Variants in HOGA1 observed in about 807,000 individuals in gnomAD.
HOGA1 encodes 4-hydroxy-2-oxoglutarate aldolase, mitochondrial.
Under a neutral mutation model 34.3 loss-of-function variants are expected in HOGA1, and 30 were observed. The observed-to-expected ratio is 0.87, with a 90% CI of 0.65 to 1.19. The LOEUF is 1.19. Ranked by LOEUF, HOGA1 falls within the 50% of genes most tolerant of loss-of-function variation. The pLI is 0.00. For missense variants in HOGA1, 417 were observed against 436.5 expected (o/e 0.96, Z 0.40); for synonymous variants, 161 against 174.0 (o/e 0.93, Z 0.59).
intron 5 of HOGA1, 59 bp downstream of exon 5, chr10:97,600,222 G>A (rs1406395637): frequency 7.1e-7 from 1 of 1,404,976 alleles, no homozygotes. Context: ...CAGGTACCTG[G>A]GTCTTCCGGG....
intron 1 of HOGA1, among the ~76,000 whole-genome samples, chr10:97,598,228 T>A (rs1453167646): frequency 6.6e-6 from 1 of 152,218 alleles, no homozygotes; most frequent in Non-Finnish European, 1.5e-5. Context: ...GCTCAAGCGA[T>A]CCACCCACCT....
rs1564759097 is a variant in HOGA1, at chr10:97,599,539, CGG to C, written c.469-138_469-137del. ...ATGACCCACTGTGATTGCTTACACT[CGG>C]GGCACGTAGCATGGGAGGGAGGCCT... On this transcript the variant is annotated intron_variant, in intron 3 of 6. Transcript: ENST00000370646. 7.8e-4 allele frequency: 829 copies of C among 1,065,230 alleles called. 14 individuals carry two copies. In the East Asian group the frequency reaches 0.016, roughly 20 times the overall value. The allele number at this position is 1,065,230 out of a possible 1,614,324, so 66.0% of individuals were successfully genotyped here.
chr10:97,600,460 T>C (rs2041107629), intron 5 of HOGA1: 2 of 484,144 alleles, frequency 4.1e-6, no homozygotes, highest in Non-Finnish European at 3.8e-6. Context: ...ACTTAGCTGC[T>C]CTAATCCCAC....
intron 1 of HOGA1, among the ~76,000 whole-genome samples, chr10:97,591,823 G>GTGTGTC (rs2041027037): frequency 7.3e-6 from 1 of 137,084 alleles, no homozygotes; most frequent in Non-Finnish European, 1.6e-5. Flanking sequence ...CATTTTGTGT[G>GTGTGTC]TGTGTGTGTG....
intron 6 of HOGA1, chr10:97,602,245 T>A: frequency 2.0e-6 from 3 of 1,475,806 alleles, no homozygotes; most frequent in South Asian, 1.3e-5. Context: ...TTCCAACTTT[T>A]GGGCCCAAGA....
chr10:97,600,697 T>G (rs952108295), intron 5 of HOGA1: 1 of 175,912 alleles, frequency 5.7e-6, no homozygotes, highest in African/African-American at 2.4e-5. Context: ...GGGTTTGGAT[T>G]AGATTTGAGC....
chr10:97,607,735 G>A (rs1437152266), intron 6 of HOGA1, among the ~76,000 whole-genome samples: 1 of 151,988 alleles, frequency 6.6e-6, no homozygotes, highest in Non-Finnish European at 1.5e-5. Flanking sequence ...TGTACTTATT[G>A]GGAAGAATTG....
rs375072439 is a variant in HOGA1 at position 97,598,733 on chromosome 10, G to A, written c.212-42G>A. ...AGGAACACCAATGTCCTAGTTGTTC[G>A]GTAGAGGATGGGAAGGAGTTAGTCA... On this transcript the variant is annotated intron_variant, in intron 1 of 6. Coordinates refer to ENST00000370646, the MANE Select transcript of HOGA1 (RefSeq NM_138413.4). 34 of 1,613,428 alleles carry A rather than the reference G, an allele frequency of 2.1e-5. No homozygotes were observed. In the African/African-American group the frequency reaches 3.1e-4, roughly 15 times the overall value.
intron 2 of HOGA1, 71 bp downstream of exon 2, chr10:97,598,974 G>T (rs2041093953): frequency 1.2e-6 from 2 of 1,609,232 alleles, no homozygotes; most frequent in Non-Finnish European, 1.7e-6. Flanking sequence ...CCCTAGCTTG[G>T]GTCCTGTCTC....
At chr10:97,589,639 G>A (rs1200422188) in intron 1 of HOGA1, 8 of 280,076 alleles carry the variant, frequency 2.9e-5, no homozygotes, top group Admixed American at 9.3e-5. Context: ...CACCCCACCC[G>A]CAACTGCCTT....
chr10:97,589,292 A>G lies in HOGA1; in HGVS notation c.211+4378A>G, dbSNP rs370914076. On this transcript the variant is annotated intron_variant, in intron 1 of 6. Coordinates refer to ENST00000370646, the MANE Select transcript of HOGA1 (RefSeq NM_138413.4). ...GGAATATGCCAGGCTGGCAGCAGACATGGGCACTGGATGGAGGTGCACTGG... is the reference window on the plus strand; with the variant it reads ...GGAATATGCCAGGCTGGCAGCAGACGTGGGCACTGGATGGAGGTGCACTGG... Among the ~76,000 whole-genome samples the G allele has an allele frequency of 1.3e-4, 20 of 151,954 alleles. 1 individual carries two copies. The highest frequency in any genetic ancestry group is 1.1e-3 in the Admixed American group (16 of 15,228).
chr10:97,587,494 A>G (rs1343992282), intron 1 of HOGA1, among the ~76,000 whole-genome samples: 1 of 152,072 alleles, frequency 6.6e-6, no homozygotes, highest in Non-Finnish European at 1.5e-5. Context: ...TCTTCTGGAA[A>G]GCACTCCCTG....
At chr10:97,598,975 G>A (rs1001316336) in intron 2 of HOGA1, 72 bp downstream of exon 2, 30 of 1,608,956 alleles carry the variant, frequency 1.9e-5, no homozygotes, top group Non-Finnish European at 2.4e-5. Context: ...CCTAGCTTGG[G>A]TCCTGTCTCC....
chr10:97,601,617 C>A (rs1162640323), intron 5 of HOGA1, among the ~76,000 whole-genome samples: 1 of 152,194 alleles, frequency 6.6e-6, no homozygotes, highest in Non-Finnish European at 1.5e-5. Context: ...CTGCTCCCTG[C>A]CCCTCACAGA....
intron 1 of HOGA1, among the ~76,000 whole-genome samples, chr10:97,593,938 G>A (rs1431612160): frequency 2.0e-5 from 3 of 151,960 alleles, no homozygotes; most frequent in East Asian, 1.9e-4. Context: ...GCACGACCTC[G>A]GCTCACTGTA....
chr10:97,598,177 G>A (rs1351243098), intron 1 of HOGA1, among the ~76,000 whole-genome samples: 1 of 152,142 alleles, frequency 6.6e-6, no homozygotes, highest in African/African-American at 2.4e-5. Flanking sequence ...TTTTGGTAGA[G>A]ACAGGCAGCC....
At chr10:97,592,304 G>A (rs555756217) in intron 1 of HOGA1, among the ~76,000 whole-genome samples, 7 of 146,158 alleles carry the variant, frequency 4.8e-5, no homozygotes, top group Admixed American at 1.4e-4. Flanking sequence ...GCAGTGGTGC[G>A]ATCTCGGCTC....
intron 6 of HOGA1, chr10:97,602,260 G>A: frequency 7.0e-7 from 1 of 1,432,338 alleles, no homozygotes; most frequent in South Asian, 1.3e-5. Context: ...CCAAGAAGAT[G>A]CATTGAAACA....
intron 1 of HOGA1, among the ~76,000 whole-genome samples, chr10:97,586,880 C>T (rs545712316): frequency 3.8e-4 from 58 of 152,318 alleles, no homozygotes; most frequent in Admixed American, 7.2e-4. Context: ...CACCCACACA[C>T]CAGAGAGCCA....
Sources: gnomAD v4.1 joint callset for allele counts (sites outside exome capture counted in the v4.1 genomes callset) on GRCh38, gnomAD v4.1.1 for gene constraint, MANE v1.5 for transcripts, NCBI Gene and HGNC (gene_info 2026-07-23, HGNC 2026-07-21) for gene names.